Variants in SLCO1A2 observed in about 807,000 individuals in gnomAD.
The protein encoded by SLCO1A2 is solute carrier organic anion transporter family member 1A2.
Under a neutral mutation model 69.0 loss-of-function variants are expected in SLCO1A2, and 67 were observed. That is an observed-to-expected ratio of 0.97 (90% CI 0.80 to 1.19). The LOEUF (loss-of-function observed/expected upper bound fraction) is 1.19. Among genes scored for constraint, SLCO1A2 ranks in the 50% most tolerant of loss-of-function variants. SLCO1A2 has a pLI of 0.00. For synonymous variants in SLCO1A2, 260 were observed against 265.9 expected (o/e 0.98, Z 0.22); for missense variants, 787 against 793.7 (o/e 0.99, Z 0.10).
chr12:21,280,690 T>G (rs11045931), intron 12 of SLCO1A2, among the ~76,000 whole-genome samples: 1 of 142,352 alleles, frequency 7.0e-6, no homozygotes, highest in Admixed American at 6.9e-5. Context: ...AAAAAAAAAA[T>G]AAATAAATAA....
intron 1 of SLCO1A2, among the ~76,000 whole-genome samples, chr12:21,417,550 A>G (rs1942007596): frequency 6.6e-6 from 1 of 151,564 alleles, no homozygotes; most frequent in South Asian, 2.1e-4. Context: ...GGAATTTGGA[A>G]ATGGGAAAAA....
At chr12:21,282,152 ATC>A (rs1944918907) in intron 12 of SLCO1A2, among the ~76,000 whole-genome samples, 4 of 151,818 alleles carry the variant, frequency 2.6e-5, no homozygotes, top group Non-Finnish European at 4.4e-5. Context: ...AAAGGCTAAT[ATC>A]ACTGATGAAT....
intron 1 of SLCO1A2, among the ~76,000 whole-genome samples, chr12:21,384,808 C>T (rs571397638): frequency 2.0e-3 from 290 of 146,804 alleles, no homozygotes; most frequent in Middle Eastern, 3.7e-3. Flanking sequence ...TTCTGTCACT[C>T]AGGCTGGAGA....
chr12:21,299,947 C>CAT (rs545212623), intron 8 of SLCO1A2, among the ~76,000 whole-genome samples: 4 of 143,322 alleles, frequency 2.8e-5, no homozygotes, highest in African/African-American at 1.0e-4. Flanking sequence ...TCCTCTCTCT[C>CAT]ATATATATAT....
At chr12:21,401,138 G>T (rs901739825) in intron 1 of SLCO1A2, among the ~76,000 whole-genome samples, 2 of 151,498 alleles carry the variant, frequency 1.3e-5, no homozygotes, top group Non-Finnish European at 1.5e-5. Flanking sequence ...ACAAGAAAAT[G>T]AGAAAATGAA....
intron 2 of SLCO1A2, among the ~76,000 whole-genome samples, chr12:21,359,930 A>G (rs534883554): frequency 1.6e-3 from 249 of 152,316 alleles, no homozygotes; most frequent in Non-Finnish European, 3.0e-3. Flanking sequence ...TTTGTAATAT[A>G]TTCACACAAT....
exon 1 of SLCO1A2, chr12:21,417,908 G>A (rs1180331322): frequency 6.6e-6 from 1 of 152,130 alleles, no homozygotes; most frequent in Non-Finnish European, 1.5e-5. Context: ...AGTTCAGAGG[G>A]GAGTTCTGCA....
chr12:21,358,240 G>A lies in SLCO1A2; in HGVS notation c.-63+16159C>T, dbSNP rs567356821. On this transcript the variant is annotated intron_variant, in intron 2 of 15. Coordinates refer to the SLCO1A2 transcript ENST00000307378. ...GAATCTGTGATACAAAGAGATGAAA[G>A]TATGCTGGAAAAAATCATTAAGCTT... Among the ~76,000 whole-genome samples, 140 of 152,280 alleles carry A rather than the reference G, an allele frequency of 9.2e-4. 1 individual carries two copies. Among genetic ancestry groups the A allele is most frequent in the African/African-American group, 3.1e-3 (130 of 41,556 alleles).
chr12:21,403,520 C>T (rs1490652568), intron 1 of SLCO1A2: 1 of 151,940 alleles, frequency 6.6e-6, no homozygotes, highest in African/African-American at 2.4e-5. Context: ...GAATAAGGCA[C>T]CTCAAACGTG....
chr12:21,371,193 G>T (rs904773099), intron 2 of SLCO1A2, among the ~76,000 whole-genome samples: 7 of 152,180 alleles, frequency 4.6e-5, no homozygotes, highest in African/African-American at 1.7e-4. Flanking sequence ...ACTCCTGGGT[G>T]TTGTTATAGC....
chr12:21,320,226 T>G (rs1951430460), intron 2 of SLCO1A2, among the ~76,000 whole-genome samples: 2 of 152,190 alleles, frequency 1.3e-5, no homozygotes, highest in Admixed American at 6.5e-5. Flanking sequence ...ACATATTCCT[T>G]TCAAGTTAAC....
At chr12:21,272,585 A>G (rs1320131034) in intron 14 of SLCO1A2, among the ~76,000 whole-genome samples, 1 of 152,048 alleles carries the variant, frequency 6.6e-6, no homozygotes, top group Admixed American at 6.6e-5. Context: ...GAAATCATTA[A>G]TATAACTACA....
At chr12:21,407,991 G>A (rs953901685) in intron 1 of SLCO1A2, among the ~76,000 whole-genome samples, 2 of 152,134 alleles carry the variant, frequency 1.3e-5, no homozygotes, top group African/African-American at 2.4e-5. Flanking sequence ...ATATTTGGGA[G>A]AGAGCCTGAA....
At chr12:21,290,914 TATTAC>T (rs768525078) in intron 12 of SLCO1A2, among the ~76,000 whole-genome samples, 1 of 152,136 alleles carries the variant, frequency 6.6e-6, no homozygotes, top group Non-Finnish European at 1.5e-5. Flanking sequence ...ATATAAACAG[TATTAC>T]ATTAATATCT....
rs1942401593 is a variant in SLCO1A2, at chr12:21,269,453, A to C, written c.*95T>G. 1.2e-6 allele frequency: 1 copy of C among 858,156 alleles called. No homozygotes were observed. The highest frequency in any genetic ancestry group is 1.7e-6 in the Non-Finnish European group (1 of 571,990). The allele number at this position is 858,156 out of a possible 1,614,324, so 53.2% of individuals were successfully genotyped here. A position where few individuals can be genotyped will look rare whatever the true frequency, so the allele number is the denominator to read the frequency against. ...GAGGTTTTTTAGGTTCTTAAAGACA[A>C]GAAAAAGTTATCTATTATATCTCTA... On this transcript the variant is annotated 3_prime_UTR_variant, in exon 15 of 15. Coordinates refer to ENST00000683939, the MANE Select transcript of SLCO1A2 (RefSeq NM_001386879.1).
intron 4 of SLCO1A2, among the ~76,000 whole-genome samples, chr12:21,313,842 A>G (rs925353382): frequency 6.6e-6 from 1 of 152,086 alleles, no homozygotes; most frequent in African/African-American, 2.4e-5. Context: ...TGGTACCTGT[A>G]GTCCCAGCTA....
At chr12:21,329,718 T>G (rs953804791) in intron 2 of SLCO1A2, among the ~76,000 whole-genome samples, 1 of 150,424 alleles carries the variant, frequency 6.6e-6, no homozygotes, top group African/African-American at 2.5e-5. Flanking sequence ...TAGTTTTATC[T>G]ATATAATATT....
intron 14 of SLCO1A2, 129 bp from the exon 15 acceptor site, chr12:21,269,896 A>C (rs2136034403): frequency 1.9e-6 from 1 of 535,212 alleles, no homozygotes; most frequent in Middle Eastern, 5.3e-4. Flanking sequence ...ATCTTATATA[A>C]GCAACTTTGC....
At chr12:21,369,095 T>C (rs922701791) in intron 2 of SLCO1A2, among the ~76,000 whole-genome samples, 13 of 152,158 alleles carry the variant, frequency 8.5e-5, no homozygotes, top group Non-Finnish European at 1.2e-4. Context: ...CTAATACCAT[T>C]TGAACACATA....
Sources: allele counts gnomAD v4.1 joint callset (sites outside exome capture counted in the v4.1 genomes callset), GRCh38; gene constraint gnomAD v4.1.1; transcripts MANE v1.5; gene names NCBI Gene and HGNC (gene_info 2026-07-23, HGNC 2026-07-21).